Variants in STXBP5 observed in about 807,000 individuals in gnomAD.
STXBP5 encodes syntaxin-binding protein 5.
A neutral mutation model predicts 152.4 loss-of-function variants in STXBP5; 50 were observed. The ratio of observed to expected loss-of-function variants is 0.33; its 90% CI spans 0.26 to 0.42. The LOEUF (loss-of-function observed/expected upper bound fraction) is 0.42, where lower values mean the gene tolerates loss of function less well. Among genes scored for constraint, STXBP5 ranks in the 10% least tolerant of loss-of-function variants. The pLI is 1.00. For synonymous variants in STXBP5, 492 were observed against 494.7 expected (o/e 0.99, Z 0.07); for missense variants, 1,167 against 1,388.6 (o/e 0.84, Z 2.54).
At chr6:147,358,815 A>G (rs762354748) in intron 22 of STXBP5, among the ~76,000 whole-genome samples, 3 of 152,126 alleles carry the variant, frequency 2.0e-5, no homozygotes, top group Non-Finnish European at 2.9e-5. Flanking sequence ...TGGTTTTTCC[A>G]TAGAGTAGAC....
rs538679648 is a variant in STXBP5 at position 147,219,429 on chromosome 6, A to G, written c.248+13361A>G. The stretch of plus-strand genomic sequence containing the variant: ...TTCATATTAGTGTAATGCTGGGCTC[A>G]TAAAATGAGTTAGGATATATTTCCT... On this transcript the variant is annotated intron_variant, in intron 2 of 27. Coordinates refer to ENST00000321680, the MANE Select transcript of STXBP5 (RefSeq NM_001127715.4). 2.0e-5 allele frequency among the ~76,000 whole-genome samples: 3 copies of G among 152,310 alleles called. No individual in the cohort carries two copies. The East Asian group carries it at 5.8e-4, about 29-fold the overall frequency.
In STXBP5 at chr6:147,327,135, G is replaced by A. The variant is rs1364915540; in HGVS notation, c.1939G>A (p.Gly647Ser). ...TTTTCCTATTCCCAGGGTGGTTTTTGGCAATTGCAATGGCATTGCTATGGT... is the reference window on the plus strand; with the variant it reads ...TTTTCCTATTCCCAGGGTGGTTTTTAGCAATTGCAATGGCATTGCTATGGT... ...VNSSYGLVVF[G>S]NCNGIAMVDY... Residue 647 changes from glycine to serine, a missense_variant, in exon 18 of 28, where the codon GGC becomes AGC. Transcript: ENST00000321680. 6.2e-7 allele frequency: 1 copy of A among 1,603,902 alleles called. No homozygotes were observed. Among genetic ancestry groups the A allele is most frequent in the Non-Finnish European group, 8.5e-7 (1 of 1,177,348 alleles).
At chr6:147,317,163 A>G (rs1352271387) in intron 16 of STXBP5, among the ~76,000 whole-genome samples, 1 of 152,164 alleles carries the variant, frequency 6.6e-6, no homozygotes, top group African/African-American at 2.4e-5. Flanking sequence ...CAAGGTAGAG[A>G]GGGTAGTAAG....
At chr6:147,353,974 CA>C (rs778159108) in intron 22 of STXBP5, among the ~76,000 whole-genome samples, 118 of 151,940 alleles carry the variant, frequency 7.8e-4, no homozygotes, top group Admixed American at 3.2e-3. Flanking sequence ...AATGACATTT[CA>C]AAAAAGATAA....
At chr6:147,240,088 T>C (rs1778465757) in intron 4 of STXBP5, among the ~76,000 whole-genome samples, 1 of 151,896 alleles carries the variant, frequency 6.6e-6, no homozygotes, top group South Asian at 2.1e-4. Context: ...GACTATAGCA[T>C]GCACCACAAC....
At chr6:147,327,057 T>C (rs1783297222) in intron 17 of STXBP5, 68 bp from the exon 18 acceptor site, 6 of 1,443,726 alleles carry the variant, frequency 4.2e-6, no homozygotes, top group Admixed American at 2.0e-5. Flanking sequence ...TTCAGCCTTA[T>C]AGACTGTAGT....
intron 4 of STXBP5, among the ~76,000 whole-genome samples, chr6:147,245,472 T>A (rs947017548): frequency 1.1e-4 from 16 of 152,166 alleles, no homozygotes; most frequent in African/African-American, 3.6e-4. Context: ...GGGACAAATT[T>A]GCCGATAGTA....
chr6:147,251,591 C>G (rs1309884679), intron 4 of STXBP5, among the ~76,000 whole-genome samples: 1 of 152,186 alleles, frequency 6.6e-6, no homozygotes, highest in Non-Finnish European at 1.5e-5. Flanking sequence ...CAGCCCCAGT[C>G]AGTGGCTTAT....
intron 22 of STXBP5, among the ~76,000 whole-genome samples, chr6:147,358,739 AAGAAAATCATAAG>A (rs1261627769): frequency 6.6e-6 from 1 of 152,164 alleles, no homozygotes; most frequent in African/African-American, 2.4e-5. Context: ...GAATGTTATT[AAGAAAATCATAAG>A]GAAGAGAAAA....
At chr6:147,363,942 A>G in intron 24 of STXBP5, 59 bp from the exon 25 acceptor site, 1 of 1,529,586 alleles carries the variant, frequency 6.5e-7, no homozygotes, top group South Asian at 1.2e-5. Context: ...TAACAATGAT[A>G]GTGTGTTCAA....
At position 147,204,715 on chromosome 6, in the gene STXBP5, A is replaced by C; in HGVS notation, c.150+33A>C. ...GAGCGCGCAGCCCCGCGACACCGTC[A>C]TTGAAAAATTGGGGTTGTTTTAAGG... On this transcript the variant is annotated intron_variant, in intron 1 of 27. Transcript: ENST00000321680. The surrounding 1 kb of genome is among the most constrained non-coding windows in gnomAD (Gnocchi z 4.3). 1 of 1,523,196 alleles carries C rather than the reference A, an allele frequency of 6.6e-7. No homozygotes were observed. Among genetic ancestry groups the C allele is most frequent in the Admixed American group, 2.1e-5 (1 of 47,686 alleles). The allele number at this position is 1,523,196 out of a possible 1,614,324, so 94.4% of individuals were successfully genotyped here.
At chr6:147,358,770 A>G (rs1296210589) in intron 22 of STXBP5, among the ~76,000 whole-genome samples, 1 of 152,146 alleles carries the variant, frequency 6.6e-6, no homozygotes, top group Non-Finnish European at 1.5e-5. Flanking sequence ...AAACGTATTT[A>G]CTATTCCTTA....
intron 15 of STXBP5, 37 bp from the exon 16 acceptor site, chr6:147,316,189 AATT>A: frequency 6.3e-7 from 1 of 1,578,152 alleles, no homozygotes; most frequent in Non-Finnish European, 8.7e-7. Flanking sequence ...AATGAGCAAT[AATT>A]ATTAGGAGTA....
intron 5 of STXBP5, 93 bp from the exon 6 acceptor site, chr6:147,262,197 C>T (rs1011640173): frequency 9.3e-6 from 7 of 753,960 alleles, no homozygotes; most frequent in Non-Finnish European, 1.5e-5. Flanking sequence ...ATAAATATAA[C>T]TTATTTTCTA....
intron 9 of STXBP5, 143 bp downstream of exon 9, chr6:147,291,315 G>T: frequency 1.8e-6 from 1 of 551,264 alleles, no homozygotes; most frequent in African/African-American, 2.0e-5. Flanking sequence ...TTTAACAAAA[G>T]AAGTAAAATT....
At chr6:147,274,821 A>T (rs1379439636) in intron 7 of STXBP5, among the ~76,000 whole-genome samples, 3 of 152,098 alleles carry the variant, frequency 2.0e-5, no homozygotes, top group Non-Finnish European at 2.9e-5. Context: ...AGAATGTTAA[A>T]ATAACATCTA....
chr6:147,363,491 T>A lies in STXBP5; in HGVS notation c.2702T>A (p.Val901Glu). 1 of 1,614,114 alleles carries A rather than the reference T, an allele frequency of 6.2e-7. No homozygotes were observed. Among genetic ancestry groups the A allele is most frequent in the Non-Finnish European group, 8.5e-7 (1 of 1,180,024 alleles). ...TTGAAAAAACGGCGGCCTGTCTCAG[T>A]ATCCCCCTCCTCTTCTCAGGAAATT... is the stretch of plus-strand genomic sequence containing the variant. Reference protein sequence around the residue: ...EKLKKRRPVSVSPSSSQEISE... With the variant: ...EKLKKRRPVSESPSSSQEISE... Residue 901 changes from valine (V) to glutamate (E), a missense_variant, in exon 24 of 28, where the codon GTA becomes GAA. This residue lies in a region of STXBP5 where 833 missense variants were observed against 986.3 expected (regional missense o/e 0.84). Coordinates refer to ENST00000321680, the MANE Select transcript of STXBP5 (RefSeq NM_001127715.4).
chr6:147,315,469 G>C (rs1011702877), intron 14 of STXBP5, 46 bp from the exon 15 acceptor site: 44 of 1,311,920 alleles, frequency 3.4e-5, no homozygotes, highest in Non-Finnish European at 4.7e-5. Context: ...CCTTATGTTT[G>C]ATCATTTTAT....
chr6:147,250,199 C>T (rs551066895), intron 4 of STXBP5, among the ~76,000 whole-genome samples: 12 of 152,254 alleles, frequency 7.9e-5, no homozygotes, highest in African/African-American at 2.9e-4. Context: ...AGCTTAGACC[C>T]ACAGAGAATT....
Sources: gnomAD v4.1 joint callset for allele counts (sites outside exome capture counted in the v4.1 genomes callset) on GRCh38, gnomAD v4.1.1 for gene constraint, gnomAD v4.1.1 regional missense constraint, Gnocchi (gnomAD v3.1) non-coding constraint, MANE v1.5 for transcripts, NCBI Gene and HGNC (gene_info 2026-07-23, HGNC 2026-07-21) for gene names.